BABAM2: variants seen among roughly 807,000 people sequenced by gnomAD.
BABAM2 encodes BRISC and BRCA1-A complex member 2.
In BABAM2, 31 loss-of-function variants were observed where a neutral mutation model predicts 54.7. The observed-to-expected ratio is 0.57, with a 90% CI of 0.43 to 0.77. The LOEUF is 0.77. BABAM2 is among the 30% of genes least tolerant of loss of function. The probability of loss-of-function intolerance (pLI) is 0.00; values close to 1 mark genes in which losing one functional copy is unlikely to be tolerated. For synonymous variants in BABAM2, 167 were observed against 162.9 expected (o/e 1.03, Z -0.19); for missense variants, 364 against 455.8 (o/e 0.80, Z 1.83).
intron 10 of BABAM2, among the ~76,000 whole-genome samples, chr2:28,248,626 CTG>C (rs1262979077): frequency 6.6e-6 from 1 of 152,154 alleles, no homozygotes; most frequent in Non-Finnish European, 1.5e-5. Flanking sequence ...TCCCAGTCAA[CTG>C]CACTGTAAGT....
At chr2:27,928,680 A>G (rs551073689) in intron 2 of BABAM2, among the ~76,000 whole-genome samples, 17 of 152,238 alleles carry the variant, frequency 1.1e-4, no homozygotes, top group Non-Finnish European at 2.2e-4. Flanking sequence ...CAGTTTTGGA[A>G]TTATGAAAGA....
At chr2:28,157,471 G>C (rs1467939600) in intron 7 of BABAM2, among the ~76,000 whole-genome samples, 1 of 152,162 alleles carries the variant, frequency 6.6e-6, no homozygotes, top group Non-Finnish European at 1.5e-5. Flanking sequence ...GGCTGCTATG[G>C]ATAAACAAGC....
At chr2:28,026,833 A>T (rs7570514) in intron 5 of BABAM2, among the ~76,000 whole-genome samples, 17 of 38,176 alleles carry the variant, frequency 4.5e-4, no homozygotes, top group African/African-American at 9.0e-4. Context: ...TATATATATA[A>T]ATATATATAA....
intron 7 of BABAM2, among the ~76,000 whole-genome samples, chr2:28,173,293 A>G (rs1674560397): frequency 6.6e-6 from 1 of 152,130 alleles, no homozygotes; most frequent in African/African-American, 2.4e-5. Flanking sequence ...AAACTGACTA[A>G]CCACATATAA....
intron 7 of BABAM2, among the ~76,000 whole-genome samples, chr2:28,231,585 C>T (rs945079197): frequency 6.6e-6 from 1 of 152,076 alleles, no homozygotes; most frequent in African/African-American, 2.4e-5. Flanking sequence ...GCCAGGTCAA[C>T]TTCCTCTCCC....
At chr2:28,139,549 C>T (rs1670866298) in intron 7 of BABAM2, among the ~76,000 whole-genome samples, 1 of 151,620 alleles carries the variant, frequency 6.6e-6, no homozygotes, top group South Asian at 2.1e-4. Flanking sequence ...AGCCTGGTGA[C>T]AGAGTGAGAC....
chr2:27,902,210 C>G (rs1216157779), intron 2 of BABAM2, among the ~76,000 whole-genome samples: 2 of 151,928 alleles, frequency 1.3e-5, no homozygotes, highest in Non-Finnish European at 2.9e-5. Context: ...GTGTATTTAC[C>G]CATTAGTGGT....
chr2:28,031,277 AG>A (rs753745575), intron 5 of BABAM2, among the ~76,000 whole-genome samples: 5 of 152,170 alleles, frequency 3.3e-5, no homozygotes, highest in South Asian at 2.1e-4. Context: ...AACTCTTACC[AG>A]CCTCAGGTGT....
intron 1 of BABAM2, among the ~76,000 whole-genome samples, chr2:27,894,234 TG>T (rs1665103809): frequency 6.6e-6 from 1 of 151,946 alleles, no homozygotes; most frequent in Non-Finnish European, 1.5e-5. Flanking sequence ...TGAGATAGAG[TG>T]GGACCACTTT....
chr2:28,313,857 A>T (rs1271111989), intron 11 of BABAM2, among the ~76,000 whole-genome samples: 1 of 152,224 alleles, frequency 6.6e-6, no homozygotes, highest in African/African-American at 2.4e-5. Context: ...GCTGCTTGAG[A>T]TTACATTCTG....
At chr2:27,895,686 T>C (rs1665239905) in intron 2 of BABAM2, among the ~76,000 whole-genome samples, 1 of 152,304 alleles carries the variant, frequency 6.6e-6, no homozygotes, top group South Asian at 2.1e-4. Flanking sequence ...CGGTTTCTCA[T>C]CATCCTTTTG....
At chr2:28,183,090 G>C (rs1225148196) in intron 7 of BABAM2, among the ~76,000 whole-genome samples, 1 of 152,150 alleles carries the variant, frequency 6.6e-6, no homozygotes, top group African/African-American at 2.4e-5. Context: ...TTTTTCTTAA[G>C]TATATCATAT....
chr2:28,056,428 T>G (rs146062218), intron 6 of BABAM2, among the ~76,000 whole-genome samples: 373 of 152,296 alleles, frequency 2.4e-3, no homozygotes, highest in Non-Finnish European at 3.8e-3. Context: ...AAAGAGAGCC[T>G]TCCTCTTTTG....
chr2:28,006,233 A>G (rs892755386), intron 4 of BABAM2, among the ~76,000 whole-genome samples: 12 of 152,080 alleles, frequency 7.9e-5, no homozygotes, highest in Non-Finnish European at 1.5e-4. Context: ...TGCAGTTCAT[A>G]TAAATTGGTA....
intron 2 of BABAM2, among the ~76,000 whole-genome samples, chr2:27,919,741 A>G (rs1344550827): frequency 1.3e-5 from 2 of 152,198 alleles, no homozygotes; most frequent in East Asian, 3.9e-4. Context: ...GCTGTTAAAA[A>G]CTGTATGTGA....
chr2:28,201,682 C>T (rs1678286585), intron 7 of BABAM2, among the ~76,000 whole-genome samples: 1 of 152,174 alleles, frequency 6.6e-6, no homozygotes, highest in African/African-American at 2.4e-5. Flanking sequence ...AAACTCTTAA[C>T]ATTTGGCTCT....
chr2:27,938,632 C>T (rs989551948), intron 3 of BABAM2, among the ~76,000 whole-genome samples: 2 of 151,870 alleles, frequency 1.3e-5, no homozygotes, highest in African/African-American at 4.8e-5. Flanking sequence ...CCTTGTGATC[C>T]GCCCGCCTCA....
intron 2 of BABAM2, among the ~76,000 whole-genome samples, chr2:27,919,830 A>G (rs933257203): frequency 6.6e-6 from 1 of 152,212 alleles, no homozygotes; most frequent in Non-Finnish European, 1.5e-5. Flanking sequence ...ATTTAAAAAT[A>G]CTTCCTACTC....
chr2:27,968,676 G>A (rs1381821230), intron 3 of BABAM2, among the ~76,000 whole-genome samples: 2 of 152,208 alleles, frequency 1.3e-5, no homozygotes, highest in African/African-American at 2.4e-5. Context: ...CTGGGAGGAC[G>A]GCTGTACCCT....
Sources: gnomAD v4.1 joint callset for allele counts (sites outside exome capture counted in the v4.1 genomes callset) on GRCh38, gnomAD v4.1.1 for gene constraint, MANE v1.5 for transcripts, NCBI Gene and HGNC (gene_info 2026-07-23, HGNC 2026-07-21) for gene names.